The following CSMD1 variants were observed in gnomAD, a reference collection of about 807,000 sequenced individuals.
The protein encoded by CSMD1 is CUB and sushi domain-containing protein 1.
In CSMD1, 213 loss-of-function variants were observed where a neutral mutation model predicts 417.5. The observed-to-expected ratio is 0.51, with a 90% confidence interval of 0.46 to 0.57. CSMD1 has a LOEUF of 0.57. Among genes scored for constraint, CSMD1 ranks in the 20% least tolerant of loss-of-function variants. The pLI is 0.00. For synonymous variants in CSMD1, 2,862 were observed against 1,736.8 expected (o/e 1.65, Z -16.11); for missense variants, 6,923 against 4,529.7 (o/e 1.53, Z -15.17).
intron 27 of CSMD1, among the ~76,000 whole-genome samples, chr8:3,227,026 T>A (rs578082055): frequency 2.0e-3 from 309 of 152,282 alleles, no homozygotes; most frequent in Middle Eastern, 3.4e-3. Flanking sequence ...TAAAGTGTGG[T>A]GTTTTCTGTG....
At chr8:3,614,401 T>G (rs185450070) in intron 8 of CSMD1, among the ~76,000 whole-genome samples, 126 of 152,222 alleles carry the variant, frequency 8.3e-4, no homozygotes, top group African/African-American at 3.0e-3. Context: ...ATCCTGAATT[T>G]AAACCTCTTC....
chr8:3,089,204 G>C (rs946188510), intron 48 of CSMD1, among the ~76,000 whole-genome samples: 2 of 152,156 alleles, frequency 1.3e-5, no homozygotes, highest in Non-Finnish European at 2.9e-5. Context: ...GTGCAGCCTC[G>C]GAAAAGCTGG....
intron 3 of CSMD1, among the ~76,000 whole-genome samples, chr8:4,322,901 C>G (rs1171782165): frequency 6.6e-6 from 1 of 152,156 alleles, no homozygotes; most frequent in Non-Finnish European, 1.5e-5. Flanking sequence ...AGGAGAATCG[C>G]TTGAACCCTG....
intron 6 of CSMD1, among the ~76,000 whole-genome samples, chr8:3,719,366 T>A (rs1802016758): frequency 6.6e-6 from 1 of 152,114 alleles, no homozygotes; most frequent in Non-Finnish European, 1.5e-5. Context: ...AGCCTCGGAT[T>A]TTTTCATCTG....
At position 4,908,478 on chromosome 8, in the gene CSMD1, G is replaced by A. The variant is rs13280574; in HGVS notation, c.85+85854C>T. ...CCTTTTCTTCTTTTAGTATTCCAAT[G>A]AATTTTACGGTGTACCTTTTGAAAC... On this transcript the variant is annotated intron_variant, in intron 1 of 69. Transcript: ENST00000635120. Among the ~76,000 whole-genome samples the A allele has an allele frequency of 4.0e-5, 6 of 151,792 alleles. No individual in the cohort carries two copies. The East Asian group carries it at 9.7e-4, about 24-fold the overall frequency.
At chr8:4,929,342 C>A (rs1223662622) in intron 1 of CSMD1, among the ~76,000 whole-genome samples, 1 of 152,108 alleles carries the variant, frequency 6.6e-6, no homozygotes, top group African/African-American at 2.4e-5. Context: ...CCTACCCTAT[C>A]ACAGTTTGTT....
At chr8:4,526,613 C>G (rs925581679) in intron 2 of CSMD1, among the ~76,000 whole-genome samples, 1 of 152,234 alleles carries the variant, frequency 6.6e-6, no homozygotes, top group African/African-American at 2.4e-5. Context: ...CTTTCACCAA[C>G]TTGACATCAC....
intron 5 of CSMD1, among the ~76,000 whole-genome samples, chr8:3,821,558 G>T (rs538993683): frequency 9.9e-5 from 15 of 152,208 alleles, no homozygotes; most frequent in African/African-American, 3.6e-4. Flanking sequence ...CGAGGAGGGC[G>T]GATCACTGAG....
chr8:3,603,118 G>C (rs1801442555), intron 8 of CSMD1, among the ~76,000 whole-genome samples: 1 of 152,116 alleles, frequency 6.6e-6, no homozygotes, highest in Non-Finnish European at 1.5e-5. Flanking sequence ...GGACATAAAG[G>C]CTTCAAGGAG....
intron 2 of CSMD1, among the ~76,000 whole-genome samples, chr8:4,463,748 G>A (rs1014433671): frequency 6.6e-6 from 1 of 152,178 alleles, no homozygotes; most frequent in African/African-American, 2.4e-5. Context: ...CCGTGGGGCT[G>A]AGGGAAAATA....
chr8:3,899,833 G>C (rs76664110), intron 5 of CSMD1, among the ~76,000 whole-genome samples: 1 of 152,158 alleles, frequency 6.6e-6, no homozygotes, highest in African/African-American at 2.4e-5. Context: ...CCTACCACAG[G>C]TACTGTGTCC....
intron 1 of CSMD1, among the ~76,000 whole-genome samples, chr8:4,916,310 G>A (rs534710135): frequency 6.6e-6 from 1 of 152,314 alleles, no homozygotes; most frequent in East Asian, 1.9e-4. Flanking sequence ...CACATCAGCA[G>A]ATATTGTTGA....
At chr8:4,290,241 T>G (rs1465131988) in intron 3 of CSMD1, among the ~76,000 whole-genome samples, 2 of 152,134 alleles carry the variant, frequency 1.3e-5, no homozygotes, top group Non-Finnish European at 2.9e-5. Context: ...ACCCATGTGT[T>G]TAGGCCCGAG....
intron 7 of CSMD1, among the ~76,000 whole-genome samples, chr8:3,626,265 C>A (rs1796488945): frequency 6.6e-6 from 1 of 152,176 alleles, no homozygotes; most frequent in African/African-American, 2.4e-5. Context: ...CTGCTCTAGT[C>A]TCCTTCTGCA....
chr8:4,865,032 T>A (rs1802346228), intron 1 of CSMD1, among the ~76,000 whole-genome samples: 1 of 151,594 alleles, frequency 6.6e-6, no homozygotes, highest in African/African-American at 2.4e-5. Flanking sequence ...ATTTTTGTGT[T>A]TGCTTTATTT....
At chr8:3,951,107 A>G (rs1246264049) in intron 5 of CSMD1, among the ~76,000 whole-genome samples, 5 of 152,244 alleles carry the variant, frequency 3.3e-5, no homozygotes, top group Non-Finnish European at 7.3e-5. Context: ...GAAAGAATAT[A>G]TCTACATTTA....
intron 10 of CSMD1, among the ~76,000 whole-genome samples, chr8:3,497,918 A>G (rs535276941): frequency 3.4e-4 from 52 of 152,300 alleles, no homozygotes; most frequent in African/African-American, 1.2e-3. Flanking sequence ...TGTCTTCACA[A>G]TGGTGGTTAT....
chr8:3,718,619 C>T (rs753921794), intron 6 of CSMD1, among the ~76,000 whole-genome samples: 1 of 152,154 alleles, frequency 6.6e-6, no homozygotes, highest in Non-Finnish European at 1.5e-5. Context: ...TATAGTATTA[C>T]ATGAATCATT....
At chr8:3,052,382 G>T in intron 50 of CSMD1, 80 bp downstream of exon 50, 1 of 1,102,212 alleles carries the variant, frequency 9.1e-7, no homozygotes. Context: ...ACCTCTGAAC[G>T]TGGGAACCCG....
Sources: gnomAD v4.1 joint callset for allele counts (sites outside exome capture counted in the v4.1 genomes callset) on GRCh38, gnomAD v4.1.1 for gene constraint, MANE v1.5 for transcripts, NCBI Gene and HGNC (gene_info 2026-07-23, HGNC 2026-07-21) for gene names.